Variants in TOM1 observed in about 807,000 individuals in gnomAD.
The protein encoded by TOM1 is target of Myb protein 1.
Under a neutral mutation model 61.3 loss-of-function variants are expected in TOM1, and 38 were observed. The observed-to-expected ratio is 0.62, with a 90% CI of 0.48 to 0.81. The LOEUF is 0.81. Among genes scored for constraint, TOM1 ranks in the 40% least tolerant of loss-of-function variants. The pLI, the probability that TOM1 is intolerant of heterozygous loss-of-function variation, is 0.00. For missense variants in TOM1, 591 were observed against 659.6 expected (o/e 0.90, Z 1.14); for synonymous variants, 270 against 268.8 (o/e 1.00, Z -0.04).
chr22:35,323,425 G>A lies in TOM1; in HGVS notation c.367-71G>A. 6.5e-7 allele frequency: 1 copy of A among 1,541,382 alleles called. No homozygotes were observed. Among genetic ancestry groups the A allele is most frequent in the South Asian group, 1.2e-5 (1 of 85,916 alleles). On this transcript the variant is annotated intron_variant, in intron 4 of 14. Transcript: ENST00000449058. This position sits in a 1 kb window ranked among gnomAD's most constrained non-coding sequence, Gnocchi z 4.2. ...AGCAGGGAAAGAATGTCTGTTCTCT[G>A]TCTGAGTGCCAGGTGGGCAGGCTCA...
chr22:35,322,210 G>A lies in TOM1; in HGVS notation c.216+173G>A, dbSNP rs927591946. 6.6e-6 allele frequency: 4 copies of A among 607,954 alleles called. No individual in the cohort carries two copies. In the East Asian group the frequency reaches 1.1e-4, roughly 17 times the overall value. The allele number at this position is 607,954 out of a possible 1,614,324, so 37.7% of individuals were successfully genotyped here. ...TGCAGGCGGATGCAGAATGGCAAGA[G>A]GCCATTTGGAAAGGTTCTCCCCAAT... On this transcript the variant is annotated intron_variant, in intron 3 of 14. Transcript: ENST00000449058.
chr22:35,323,711 T>G lies in TOM1; in HGVS notation c.502-57T>G. The stretch of plus-strand genomic sequence containing the variant: ...AGACATCACCAGGCTGGCCCCTGAC[T>G]TCCTGGGCTCTTGATGTTCCCAGGA... On this transcript the variant is annotated intron_variant, in intron 5 of 14. Transcript: ENST00000449058. The surrounding 1 kb of genome is among the most constrained non-coding windows in gnomAD (Gnocchi z 4.2). 3.1e-6 allele frequency: 5 copies of G among 1,605,970 alleles called. No individual in the cohort carries two copies. Among genetic ancestry groups the G allele is most frequent in the African/African-American group, 1.3e-5 (1 of 74,878 alleles).
intron 1 of TOM1, 37 bp from the exon 2 acceptor site, chr22:35,317,839 AC>A (rs1927435967): frequency 6.5e-7 from 1 of 1,544,564 alleles, no homozygotes; most frequent in African/African-American, 1.4e-5. Flanking sequence ...CCCATTCAGG[AC>A]CCCCTCATGA....
intron 12 of TOM1, among the ~76,000 whole-genome samples, chr22:35,343,584 ACCTACACACACC>A (rs566388432): frequency 0.012 from 1,511 of 130,410 alleles, 34 homozygotes; most frequent in African/African-American, 0.044. Flanking sequence ...ACACTCATAC[ACCTACACACACC>A]CCTACACACA....
At chr22:35,321,777 G>T in intron 2 of TOM1, 182 bp from the exon 3 acceptor site, 1 of 716,720 alleles carries the variant, frequency 1.4e-6, no homozygotes, top group South Asian at 1.5e-5. Flanking sequence ...GCCACAGGTT[G>T]TGAGTCCCTG....
intron 1 of TOM1, among the ~76,000 whole-genome samples, chr22:35,316,035 CA>C (rs1468297563): frequency 2.0e-5 from 3 of 152,292 alleles, no homozygotes; most frequent in Admixed American, 6.5e-5. Flanking sequence ...CGTGGAATAA[CA>C]AGTTCTACAT....
chr22:35,332,585 A>AAC (rs751364020), intron 8 of TOM1, among the ~76,000 whole-genome samples: 194 of 88,146 alleles, frequency 2.2e-3, no homozygotes, highest in Admixed American at 3.3e-3. Flanking sequence ...AGAGAGCACT[A>AAC]ACACACACAC....
intron 1 of TOM1, among the ~76,000 whole-genome samples, chr22:35,309,710 G>A (rs1175691254): frequency 6.6e-6 from 1 of 151,608 alleles, no homozygotes; most frequent in Non-Finnish European, 1.5e-5. Context: ...GACAACATCT[G>A]TGTCCATCTA....
chr22:35,345,935 C>A, intron 13 of TOM1, 151 bp downstream of exon 13: 2 of 829,888 alleles, frequency 2.4e-6, no homozygotes, highest in Non-Finnish European at 3.9e-6. Context: ...GCCACCTGCC[C>A]ACCTTGTGTT....
chr22:35,342,672 A>T (rs1233705315), intron 12 of TOM1, among the ~76,000 whole-genome samples: 4 of 151,734 alleles, frequency 2.6e-5, no homozygotes, highest in African/African-American at 4.9e-5. Flanking sequence ...GGGTACCACA[A>T]TACCTGCCTC....
intron 7 of TOM1, among the ~76,000 whole-genome samples, chr22:35,327,879 C>G (rs573614253): frequency 5.1e-4 from 78 of 152,224 alleles, no homozygotes; most frequent in African/African-American, 1.7e-3. Flanking sequence ...GGTTCCTGCT[C>G]CCGGGTGTCA....
At chr22:35,307,889 G>T (rs1926467031) in intron 1 of TOM1, among the ~76,000 whole-genome samples, 1 of 152,236 alleles carries the variant, frequency 6.6e-6, no homozygotes, top group Non-Finnish European at 1.5e-5. Flanking sequence ...GGCCAGGGGA[G>T]AAAGATAGTT....
chr22:35,335,404 G>C (rs1221809660), intron 11 of TOM1, among the ~76,000 whole-genome samples: 1 of 152,152 alleles, frequency 6.6e-6, no homozygotes, highest in South Asian at 2.1e-4. Flanking sequence ...TGCCCTGGCT[G>C]TTAGCTGTAT....
Position 35,316,617 on chromosome 22 carries a change from C to T in TOM1, c.53-1260C>T, listed in dbSNP as rs534763516. On this transcript the variant is annotated intron_variant, in intron 1 of 14. Transcript: ENST00000449058. ...GCCCTGACAGGCTTCCAGAACTCTG[C>T]AGCCGACTCCCGGCCTGGAAATCTT... is the stretch of plus-strand genomic sequence containing the variant. Among the ~76,000 whole-genome samples the T allele has an allele frequency of 5.9e-5, 9 of 152,356 alleles. No individual in the cohort carries two copies. The South Asian group carries it at 1.9e-3, about 32-fold the overall frequency.
chr22:35,322,354 G>A (rs1411816882), intron 3 of TOM1: 10 of 325,848 alleles, frequency 3.1e-5, no homozygotes, highest in Non-Finnish European at 5.7e-5. Context: ...CGGGGGCAGG[G>A]AGGCCGGCTG....
Position 35,327,364 on chromosome 22 carries a change from C to T in TOM1, c.742C>T (p.Pro248Ser), listed in dbSNP as rs372403364. ...GGAGCTGGTGCCCACCCAGGCCGAG[C>T]CCGCAGACCTGGAGCTGCTGCAGGT... ...LTELVPTQAE[P>S]ADLELLQELN... Residue 248 changes from proline to serine, a missense_variant, in exon 7 of 15, where the codon CCC (proline) becomes TCC (serine). Pro to Ser is a moderately conservative substitution (Grantham distance 74). Coordinates refer to ENST00000449058, the MANE Select transcript of TOM1 (RefSeq NM_005488.3). 1 of 1,613,370 alleles carries T rather than the reference C, an allele frequency of 6.2e-7. No individual in the cohort carries two copies. The highest frequency in any genetic ancestry group is 8.5e-7 in the Non-Finnish European group (1 of 1,179,938).
At chr22:35,304,009 A>G (rs538634160) in intron 1 of TOM1, among the ~76,000 whole-genome samples, 158 of 152,212 alleles carry the variant, frequency 1.0e-3, no homozygotes, top group Non-Finnish European at 2.0e-3. Context: ...AGCAAACACC[A>G]TAATAACTCT....
chr22:35,317,859 C>G lies in TOM1; in HGVS notation c.53-18C>G. 1 of 1,609,210 alleles carries G rather than the reference C, an allele frequency of 6.2e-7. No individual in the cohort carries two copies. The highest frequency in any genetic ancestry group is 8.5e-7 in the Non-Finnish European group (1 of 1,175,438). ...TCAGGACCCCCTCATGACTTTATGA[C>G]TCCTGGTTTCTTCTCAGAGAAAGCC... is the stretch of plus-strand genomic sequence containing the variant. On this transcript the variant is annotated intron_variant, in intron 1 of 14. Transcript: ENST00000449058.
Position 35,334,480 on chromosome 22 carries a change from C to T in TOM1, c.1148+32C>T, listed in dbSNP as rs1408558111. ...GGCCTGGCCCTGCCCTGGTCCCCTG[C>T]AGTTCGGGTGGCTCTCGGGGTTCTG... On this transcript the variant is annotated intron_variant, in intron 11 of 14. Coordinates refer to ENST00000449058, the MANE Select transcript of TOM1 (RefSeq NM_005488.3). The T allele has an allele frequency of 1.2e-5, 19 of 1,612,380 alleles. No individual in the cohort carries two copies. In the Admixed American group the frequency reaches 3.0e-4, roughly 26 times the overall value.
Sources: gnomAD v4.1 joint callset for allele counts (sites outside exome capture counted in the v4.1 genomes callset) on GRCh38, gnomAD v4.1.1 for gene constraint, Gnocchi (gnomAD v3.1) non-coding constraint, MANE v1.5 for transcripts, NCBI Gene and HGNC (gene_info 2026-07-23, HGNC 2026-07-21) for gene names.